The following CNR2 variants were observed in gnomAD, a reference collection of about 807,000 sequenced individuals.
CNR2 encodes the protein cannabinoid receptor 2 (macrophage).
For synonymous variants in CNR2, 172 were observed against 182.2 expected (o/e 0.94, Z 0.45); for missense variants, 379 against 439.9 (o/e 0.86, Z 1.24).
chr1:23,891,041 G>A (rs1640181612), intron 1 of CNR2, among the ~76,000 whole-genome samples: 1 of 151,658 alleles, frequency 6.6e-6, no homozygotes, highest in Non-Finnish European at 1.5e-5. Flanking sequence ...ACCACACCTG[G>A]ATAATTTTTT....
At chr1:23,912,761 T>G (rs1640607720) in intron 1 of CNR2, among the ~76,000 whole-genome samples, 1 of 152,190 alleles carries the variant, frequency 6.6e-6, no homozygotes, top group Admixed American at 6.5e-5. Flanking sequence ...AGCCCTGAAC[T>G]TTCCTGCGAC....
At chr1:23,887,856 T>TA (rs56170964) in intron 1 of CNR2, among the ~76,000 whole-genome samples, 2 of 150,356 alleles carry the variant, frequency 1.3e-5, no homozygotes, top group African/African-American at 2.4e-5. Flanking sequence ...AAGTTAAAGT[T>TA]AAAAAAAAAA....
intron 1 of CNR2, among the ~76,000 whole-genome samples, chr1:23,912,653 C>T (rs1380703472): frequency 6.6e-6 from 1 of 152,204 alleles, no homozygotes; most frequent in Non-Finnish European, 1.5e-5. Flanking sequence ...TAGGGCAGCG[C>T]CTGGCACACA....
chr1:23,880,276 G>C (rs1190367126), intron 1 of CNR2, among the ~76,000 whole-genome samples: 2 of 147,196 alleles, frequency 1.4e-5, no homozygotes, highest in Non-Finnish European at 3.0e-5. Context: ...CTCCCAGGTT[G>C]AAGCCTTTCT....
At chr1:23,903,390 C>T (rs1640435987) in intron 1 of CNR2, among the ~76,000 whole-genome samples, 1 of 151,092 alleles carries the variant, frequency 6.6e-6, no homozygotes, top group Non-Finnish European at 1.5e-5. Context: ...GCCTGGGCAA[C>T]ATAGGAAGAC....
chr1:23,903,068 G>GCAC (rs911160547), intron 1 of CNR2, among the ~76,000 whole-genome samples: 2 of 107,570 alleles, frequency 1.9e-5, no homozygotes, highest in African/African-American at 7.1e-5. Flanking sequence ...GCCAGGGGCA[G>GCAC]CACCATTCAT....
intron 1 of CNR2, among the ~76,000 whole-genome samples, chr1:23,896,350 T>G (rs1222907920): frequency 6.6e-6 from 1 of 152,254 alleles, no homozygotes; most frequent in African/African-American, 2.4e-5. Flanking sequence ...TTCATCTCTT[T>G]CATTCAGTTC....
intron 1 of CNR2, among the ~76,000 whole-genome samples, chr1:23,880,062 T>A (rs1225615535): frequency 6.6e-6 from 1 of 152,130 alleles, no homozygotes; most frequent in Non-Finnish European, 1.5e-5. Flanking sequence ...CTGGATCACC[T>A]TTCCCTCAAC....
At chr1:23,898,443 A>G (rs11488707) in intron 1 of CNR2, among the ~76,000 whole-genome samples, 138,082 of 142,992 alleles carry the variant, frequency 0.97, 66,801 homozygotes, top group East Asian at 1. Flanking sequence ...CCAGGTTCAC[A>G]CCATTCTCCT....
chr1:23,876,284 G>C (rs1168907854), intron 1 of CNR2, among the ~76,000 whole-genome samples: 3 of 151,612 alleles, frequency 2.0e-5, no homozygotes, highest in Non-Finnish European at 2.9e-5. Context: ...TCGGCTCACT[G>C]TAACCTCTGC....
chr1:23,883,546 C>T (rs922866321), intron 1 of CNR2, among the ~76,000 whole-genome samples: 1 of 152,132 alleles, frequency 6.6e-6, no homozygotes, highest in African/African-American at 2.4e-5. Context: ...AGTGTTAGGC[C>T]GGGCGTGGTA....
intron 1 of CNR2, among the ~76,000 whole-genome samples, chr1:23,909,515 A>G (rs1043690766): frequency 1.2e-4 from 19 of 152,182 alleles, no homozygotes; most frequent in African/African-American, 4.6e-4. Flanking sequence ...GGTGAGGATT[A>G]CATAAGATAA....
chr1:23,882,078 C>A (rs182756976), intron 1 of CNR2, among the ~76,000 whole-genome samples: 4 of 151,472 alleles, frequency 2.6e-5, no homozygotes, highest in Non-Finnish European at 4.4e-5. Flanking sequence ...CCTGCCACCA[C>A]GACCAGCTAA....
chr1:23,913,038 A>G (rs1027380284), intron 1 of CNR2, among the ~76,000 whole-genome samples: 4 of 152,112 alleles, frequency 2.6e-5, no homozygotes, highest in Non-Finnish European at 4.4e-5. Context: ...GCAGTAGTGC[A>G]CACCTGTAAT....
intron 1 of CNR2, among the ~76,000 whole-genome samples, chr1:23,903,001 G>A (rs1202702884): frequency 6.6e-6 from 1 of 151,666 alleles, no homozygotes; most frequent in Non-Finnish European, 1.5e-5. Context: ...CCTCGGGAGC[G>A]GCTCTGCAAG....
At chr1:23,903,810 TATC>T (rs1386975944) in intron 1 of CNR2, among the ~76,000 whole-genome samples, 1 of 152,106 alleles carries the variant, frequency 6.6e-6, no homozygotes, top group African/African-American at 2.4e-5. Flanking sequence ...GTGGTCCTAT[TATC>T]ATCATCTCTG....
chr1:23,874,161 A>G lies in CNR2; in HGVS notation c.*374T>C, dbSNP rs1260757027. On this transcript the variant is annotated 3_prime_UTR_variant, in exon 2 of 2. Transcript: ENST00000374472. The stretch of plus-strand genomic sequence containing the variant: ...TCCCATCTGATACCCTGACTTCCCA[A>G]GAGAACAACCCATTCTTCTCAGATT... 5 of 187,700 alleles carry G rather than the reference A, an allele frequency of 2.7e-5. No individual in the cohort carries two copies. In the East Asian group the frequency reaches 6.2e-4, roughly 23 times the overall value. 11.6% of individuals were successfully genotyped at this position (187,700 alleles called of 1,614,324 possible). A position where few individuals can be genotyped will look rare whatever the true frequency, so the allele number is the denominator to read the frequency against.
chr1:23,890,238 TAC>T (rs1418411697), intron 1 of CNR2, among the ~76,000 whole-genome samples: 2 of 118,062 alleles, frequency 1.7e-5, no homozygotes, highest in African/African-American at 6.6e-5. Context: ...TAGCCCGGGC[TAC>T]AGAGTGAGAC....
At chr1:23,894,136 AG>A (rs1553141599) in intron 1 of CNR2, among the ~76,000 whole-genome samples, 1 of 147,004 alleles carries the variant, frequency 6.8e-6, no homozygotes. Context: ...AAAAAAAAAA[AG>A]GGACTGGGCA....
Sources: gnomAD v4.1 joint callset for allele counts (sites outside exome capture counted in the v4.1 genomes callset) on GRCh38, gnomAD v4.1.1 for gene constraint, MANE v1.5 for transcripts, NCBI Gene and HGNC (gene_info 2026-07-23, HGNC 2026-07-21) for gene names.